Variants in BACH1 observed in about 807,000 individuals in gnomAD.
The protein encoded by BACH1 is transcription regulator protein BACH1.
Under a neutral mutation model 52.9 loss-of-function variants are expected in BACH1, and 35 were observed. The ratio of observed to expected loss-of-function variants is 0.66; its 90% CI spans 0.51 to 0.88. The LOEUF is 0.88. BACH1 is among the 40% of genes least tolerant of loss of function. The pLI, the probability that BACH1 is intolerant of heterozygous loss-of-function variation, is 0.00. For missense variants in BACH1, 808 were observed against 872.6 expected (o/e 0.93, Z 0.93); for synonymous variants, 321 against 319.6 (o/e 1.00, Z -0.05).
intron 2 of BACH1, among the ~76,000 whole-genome samples, chr21:29,324,613 T>C (rs2088889458): frequency 6.6e-6 from 1 of 151,430 alleles, no homozygotes; most frequent in Non-Finnish European, 1.5e-5. Flanking sequence ...GCTTTTTACC[T>C]ATTGAAGGAA....
chr21:29,350,124 A>C (rs935424536), downstream of BACH1, among the ~76,000 whole-genome samples: 1 of 151,982 alleles, frequency 6.6e-6, no homozygotes, highest in African/African-American at 2.4e-5. Context: ...ACCCAGACCA[A>C]CGTCACTCCT....
intron 1 of BACH1, chr21:29,305,066 A>G (rs1013105027): frequency 3.9e-5 from 6 of 151,950 alleles, no homozygotes; most frequent in African/African-American, 1.2e-4. Flanking sequence ...CTCTTTATCA[A>G]CTGTTTTTCT....
intron 1 of BACH1, among the ~76,000 whole-genome samples, chr21:29,301,843 A>T (rs905524875): frequency 6.6e-6 from 1 of 152,180 alleles, no homozygotes; most frequent in Non-Finnish European, 1.5e-5. Flanking sequence ...ATATTCAGTA[A>T]ATCCCTTGGG....
chr21:29,314,673 C>G (rs1485386772), intron 1 of BACH1, among the ~76,000 whole-genome samples: 1 of 152,134 alleles, frequency 6.6e-6, no homozygotes, highest in Non-Finnish European at 1.5e-5. Flanking sequence ...ATTTACTCCT[C>G]TAACAATGTC....
chr21:29,301,020 C>T (rs1005201373), intron 1 of BACH1, among the ~76,000 whole-genome samples: 23 of 152,170 alleles, frequency 1.5e-4, no homozygotes, highest in African/African-American at 5.3e-4. Flanking sequence ...TATGAGTCCT[C>T]ATTGCAAACA....
chr21:29,360,768 C>G (rs549308212), intron 2 of BACH1, among the ~76,000 whole-genome samples: 1 of 151,552 alleles, frequency 6.6e-6, no homozygotes, highest in Non-Finnish European at 1.5e-5. Context: ...TAGCTTGAAC[C>G]CACGAGGTGG....
intron 2 of BACH1, among the ~76,000 whole-genome samples, chr21:29,356,703 C>T (rs918380199): frequency 3.3e-5 from 5 of 152,266 alleles, no homozygotes; most frequent in African/African-American, 1.2e-4. Flanking sequence ...TCAGTGCTTT[C>T]GGGCTACGCC....
chr21:29,348,052 A>G (rs893962266), downstream of BACH1, among the ~76,000 whole-genome samples: 2 of 152,258 alleles, frequency 1.3e-5, no homozygotes, highest in Non-Finnish European at 2.9e-5. Flanking sequence ...AAAGGAACTA[A>G]AGCAAATCAA....
chr21:29,321,407 C>G lies in BACH1; in HGVS notation c.127C>G (p.Gln43Glu). 1 of 1,614,234 alleles carries G rather than the reference C, an allele frequency of 6.2e-7. No homozygotes were observed. Among genetic ancestry groups the G allele is most frequent in the Non-Finnish European group, 8.5e-7 (1 of 1,180,054 alleles). Residue 43 changes from glutamine to glutamate, a missense_variant, in exon 2 of 5, where the codon CAG becomes GAG. By Grantham distance (29) the Gln-to-Glu change is conservative. Coordinates refer to ENST00000286800, the MANE Select transcript of BACH1 (RefSeq NM_001186.4). ...CGATGTCACCATCTTTGTGGAGGGACAGCGGTTCCGCGCTCACCGGTCCGT... is the reference window on the plus strand; with the variant it reads ...CGATGTCACCATCTTTGTGGAGGGAGAGCGGTTCCGCGCTCACCGGTCCGT... ...LCDVTIFVEG[Q>E]RFRAHRSVLA...
intron 4 of BACH1, among the ~76,000 whole-genome samples, chr21:29,337,299 G>T (rs1482422194): frequency 1.3e-5 from 2 of 152,106 alleles, no homozygotes; most frequent in Non-Finnish European, 2.9e-5. Flanking sequence ...TTCCTTCTGG[G>T]CCTTTTTCAG....
intron 4 of BACH1, among the ~76,000 whole-genome samples, chr21:29,342,029 C>A (rs989516411): frequency 2.6e-5 from 4 of 152,124 alleles, no homozygotes; most frequent in African/African-American, 9.7e-5. Context: ...AAAAACTGCC[C>A]CAAATTGACA....
At chr21:29,341,650 A>C (rs529561260) in intron 4 of BACH1, among the ~76,000 whole-genome samples, 1 of 152,236 alleles carries the variant, frequency 6.6e-6, no homozygotes, top group African/African-American at 2.4e-5. Flanking sequence ...GCAAGCACAA[A>C]ATTACCCCCC....
At chr21:29,358,817 G>GAAAGAAAGAAA (rs2089254403) in intron 2 of BACH1, among the ~76,000 whole-genome samples, 1 of 123,162 alleles carries the variant, frequency 8.1e-6, no homozygotes, top group South Asian at 2.6e-4. Context: ...AAAGAAAGAA[G>GAAAGAAAGAAA]AAAGAAAGAA....
At chr21:29,354,180 A>G (rs1484415824) in intron 2 of BACH1, among the ~76,000 whole-genome samples, 1 of 152,130 alleles carries the variant, frequency 6.6e-6, no homozygotes, top group African/African-American at 2.4e-5. Flanking sequence ...GTAGAGCTGA[A>G]AGATGTTTGG....
chr21:29,335,512 G>A (rs1250487825), intron 4 of BACH1, among the ~76,000 whole-genome samples: 1 of 152,128 alleles, frequency 6.6e-6, no homozygotes, highest in South Asian at 2.1e-4. Context: ...AAGTTCAAGT[G>A]TGTTCATTTT....
chr21:29,342,249 A>G (rs888172418), intron 4 of BACH1, 150 bp from the exon 5 acceptor site: 16 of 793,238 alleles, frequency 2.0e-5, no homozygotes, highest in Admixed American at 3.0e-5. Context: ...CTGGGCCTTT[A>G]GTATTTAATG....
At chr21:29,319,579 A>C (rs1004919970) in intron 1 of BACH1, among the ~76,000 whole-genome samples, 1 of 151,430 alleles carries the variant, frequency 6.6e-6, no homozygotes, top group East Asian at 1.9e-4. Flanking sequence ...GCACATTGTA[A>C]ATTTATAATG....
intron 2 of BACH1, among the ~76,000 whole-genome samples, chr21:29,358,818 A>AAAGAAAGAAAG (rs1569028922): frequency 6.6e-4 from 90 of 137,034 alleles, no homozygotes; most frequent in African/African-American, 2.2e-3. Context: ...AAGAAAGAAG[A>AAAGAAAGAAAG]AAGAAAGAAA....
chr21:29,354,867 A>G (rs1032190460), intron 2 of BACH1, among the ~76,000 whole-genome samples: 2 of 152,160 alleles, frequency 1.3e-5, no homozygotes, highest in Non-Finnish European at 2.9e-5. Flanking sequence ...CTTGCCTGAA[A>G]AGTGTGTGTG....
Sources: allele counts gnomAD v4.1 joint callset (sites outside exome capture counted in the v4.1 genomes callset), GRCh38; gene constraint gnomAD v4.1.1; transcripts MANE v1.5; gene names NCBI Gene and HGNC (gene_info 2026-07-23, HGNC 2026-07-21).